Variants in CNTNAP4 observed in about 807,000 individuals in gnomAD.
The protein encoded by CNTNAP4 is contactin-associated protein-like 4.
A neutral mutation model predicts 148.4 loss-of-function variants in CNTNAP4; 98 were observed. The ratio of observed to expected loss-of-function variants is 0.66; its 90% CI spans 0.56 to 0.78. The LOEUF is 0.78. Among genes scored for constraint, CNTNAP4 ranks in the 30% least tolerant of loss-of-function variants. CNTNAP4 has a pLI of 0.00. For synonymous variants in CNTNAP4, 730 were observed against 565.1 expected (o/e 1.29, Z -4.14); for missense variants, 1,935 against 1,565.6 (o/e 1.24, Z -3.98).
At chr16:76,540,935 G>C (rs1166752573) in intron 21 of CNTNAP4, 145 bp downstream of exon 21, 1 of 562,684 alleles carries the variant, frequency 1.8e-6, no homozygotes. Context: ...TGATAATCAA[G>C]ACAGAGGCAT....
chr16:76,484,201 C>G (rs2081941534), intron 12 of CNTNAP4, among the ~76,000 whole-genome samples: 1 of 120,016 alleles, frequency 8.3e-6, no homozygotes, highest in Admixed American at 1.1e-4. Context: ...AGAGAGAGAA[C>G]AAATTCCATG....
chr16:76,434,237 TA>T (rs1186298382), intron 4 of CNTNAP4, among the ~76,000 whole-genome samples: 3 of 152,020 alleles, frequency 2.0e-5, no homozygotes, highest in African/African-American at 7.2e-5. Flanking sequence ...GTTAAGTAGT[TA>T]TTAAGGTCTC....
intron 15 of CNTNAP4, among the ~76,000 whole-genome samples, chr16:76,500,785 A>T (rs143373053): frequency 6.6e-6 from 1 of 151,348 alleles, no homozygotes; most frequent in African/African-American, 2.4e-5. Flanking sequence ...TTATATATAT[A>T]TATTTTCTTT....
At chr16:76,374,742 C>CTAT (rs34594219) in intron 3 of CNTNAP4, among the ~76,000 whole-genome samples, 10,180 of 131,236 alleles carry the variant, frequency 0.078, 433 homozygotes, top group African/African-American at 0.13. Flanking sequence ...GACTATGACA[C>CTAT]TATTATTATT....
chr16:76,364,934 C>T lies in CNTNAP4; in HGVS notation c.390+9423C>T, dbSNP rs767719173. On this transcript the variant is annotated intron_variant, in intron 3 of 23. Coordinates refer to ENST00000611870, the MANE Select transcript of CNTNAP4 (RefSeq NM_033401.5). ...TTGTCATTGCTTTTGGTGTTTTAGT[C>T]ATGAAGTCTTTGCCCATGCCTAGGT... Among the ~76,000 whole-genome samples the T allele has an allele frequency of 3.3e-5, 5 of 152,254 alleles. No individual in the cohort carries two copies. The East Asian group carries it at 9.7e-4, about 29-fold the overall frequency.
chr16:76,477,447 A>G (rs2081629793), intron 11 of CNTNAP4, among the ~76,000 whole-genome samples: 1 of 152,056 alleles, frequency 6.6e-6, no homozygotes, highest in Non-Finnish European at 1.5e-5. Context: ...TTGGTCTATT[A>G]CACTATACAC....
chr16:76,337,529 G>A (rs1964120480), intron 2 of CNTNAP4, among the ~76,000 whole-genome samples: 1 of 152,100 alleles, frequency 6.6e-6, no homozygotes, highest in Non-Finnish European at 1.5e-5. Flanking sequence ...GGCAATAGAA[G>A]ATCACAAGGC....
At position 76,507,709 on chromosome 16, in the gene CNTNAP4, A is replaced by G. The variant is rs1368898098; in HGVS notation, c.2365+9015A>G. 2.0e-5 allele frequency among the ~76,000 whole-genome samples: 2 copies of G among 98,006 alleles called. 1 individual carries two copies. Among genetic ancestry groups the G allele is most frequent in the African/African-American group, 5.1e-5 (2 of 39,010 alleles). 64.3% of individuals were successfully genotyped at this position (98,006 alleles called of 152,430 possible). ...CAAGTGTTCTAACTGTAGTTGCAGT[A>G]TGTTCAGAACCAGAAACAGAGTTTC... On this transcript the variant is annotated intron_variant, in intron 15 of 23. Transcript: ENST00000611870.
intron 4 of CNTNAP4, among the ~76,000 whole-genome samples, chr16:76,430,003 A>C (rs149058833): frequency 2.0e-5 from 3 of 152,314 alleles, no homozygotes; most frequent in African/African-American, 7.2e-5. Flanking sequence ...ATGGATAAAC[A>C]TTCTTGTAGA....
At chr16:76,457,904 A>G (rs1270977831) in intron 8 of CNTNAP4, among the ~76,000 whole-genome samples, 1 of 152,068 alleles carries the variant, frequency 6.6e-6, no homozygotes, top group Non-Finnish European at 1.5e-5. Context: ...TACCCAAATA[A>G]TGAACATGGT....
At chr16:76,513,484 A>T (rs2083111186) in intron 15 of CNTNAP4, among the ~76,000 whole-genome samples, 1 of 152,174 alleles carries the variant, frequency 6.6e-6, no homozygotes, top group Non-Finnish European at 1.5e-5. Context: ...AGTCCCACAT[A>T]AGGATTTGTA....
intron 1 of CNTNAP4, among the ~76,000 whole-genome samples, chr16:76,311,803 C>T (rs1390780284): frequency 2.0e-5 from 3 of 152,278 alleles, no homozygotes; most frequent in Non-Finnish European, 4.4e-5. Flanking sequence ...TGAATGCAGA[C>T]GTCCATGGTC....
chr16:76,381,228 A>T (rs1458525133), intron 3 of CNTNAP4, among the ~76,000 whole-genome samples: 1 of 152,162 alleles, frequency 6.6e-6, no homozygotes, highest in Non-Finnish European at 1.5e-5. Context: ...GCATTCTCCA[A>T]ACCTCAGCAG....
intron 15 of CNTNAP4, among the ~76,000 whole-genome samples, chr16:76,502,771 GT>G (rs1377704884): frequency 2.0e-5 from 3 of 151,746 alleles, no homozygotes. Context: ...AGCCATTAGT[GT>G]CATTCATTGA....
intron 2 of CNTNAP4, among the ~76,000 whole-genome samples, chr16:76,331,486 C>G (rs1963521444): frequency 6.6e-6 from 1 of 150,552 alleles, no homozygotes; most frequent in South Asian, 2.1e-4. Context: ...CCACGGCCGG[C>G]CTGTTTTTTC....
intron 23 of CNTNAP4, among the ~76,000 whole-genome samples, chr16:76,556,271 A>T (rs1021885243): frequency 6.6e-6 from 1 of 152,210 alleles, no homozygotes; most frequent in African/African-American, 2.4e-5. Context: ...CTATATATAT[A>T]CATCTTCATA....
intron 12 of CNTNAP4, among the ~76,000 whole-genome samples, chr16:76,483,600 AG>A (rs1189592265): frequency 6.6e-6 from 1 of 152,214 alleles, no homozygotes; most frequent in Non-Finnish European, 1.5e-5. Context: ...TTCTGTGCTT[AG>A]GAGCACTCGA....
At chr16:76,407,635 A>G (rs551000444) in intron 3 of CNTNAP4, among the ~76,000 whole-genome samples, 1 of 152,106 alleles carries the variant, frequency 6.6e-6, no homozygotes, top group Non-Finnish European at 1.5e-5. Context: ...GAATTGCTGC[A>G]ATCTTATAAT....
intron 2 of CNTNAP4, among the ~76,000 whole-genome samples, chr16:76,333,358 C>A (rs912117746): frequency 6.6e-6 from 1 of 152,326 alleles, no homozygotes; most frequent in Non-Finnish European, 1.5e-5. Context: ...TCTCTCTGCT[C>A]AAATCTGCTG....
Sources: gnomAD v4.1 joint callset for allele counts (sites outside exome capture counted in the v4.1 genomes callset) on GRCh38, gnomAD v4.1.1 for gene constraint, MANE v1.5 for transcripts, NCBI Gene and HGNC (gene_info 2026-07-23, HGNC 2026-07-21) for gene names.